ANKRD52: variants seen among roughly 807,000 people sequenced by gnomAD.
The protein encoded by ANKRD52 is ankyrin repeat domain 52.
A neutral mutation model predicts 116.0 loss-of-function variants in ANKRD52; 7 were observed. The ratio of observed to expected loss-of-function variants is 0.06; its 90% CI spans 0.03 to 0.11. The LOEUF is 0.11. ANKRD52 is among the 10% of genes least tolerant of loss of function. The pLI, the probability that ANKRD52 is intolerant of heterozygous loss-of-function variation, is 1.00. For synonymous variants in ANKRD52, 528 were observed against 578.1 expected (o/e 0.91, Z 1.24); for missense variants, 839 against 1,408.6 (o/e 0.60, Z 6.47).
rs1334507198 is a variant in ANKRD52 at position 56,253,670 on chromosome 12, G to C, written c.985+52C>G. 3.2e-6 allele frequency: 5 copies of C among 1,568,940 alleles called. No homozygotes were observed. The highest frequency in any genetic ancestry group is 1.8e-4 in the Middle Eastern group (1 of 5,560). ...AGGAACCTCCCTAGATTCTAGAAAT[G>C]AGTTCCTTGGGGGAGGAGGGGATGA... On this transcript the variant is annotated intron_variant, in intron 9 of 27. Coordinates refer to ENST00000267116, the MANE Select transcript of ANKRD52 (RefSeq NM_173595.4). The surrounding 1 kb of genome is among the most constrained non-coding windows in gnomAD (Gnocchi z 5.5).
At chr12:56,250,122 C>T (rs550562100) in intron 15 of ANKRD52, among the ~76,000 whole-genome samples, 195 of 151,856 alleles carry the variant, frequency 1.3e-3, no homozygotes, top group African/African-American at 3.8e-3. Flanking sequence ...GCTTGAACCC[C>T]GGAGGTAGAG....
At position 56,255,487 on chromosome 12, in the gene ANKRD52, G is replaced by C. The variant is rs1390624022; in HGVS notation, c.462+297C>G. Among the ~76,000 whole-genome samples, 1 of 152,220 alleles carries C rather than the reference G, an allele frequency of 6.6e-6. No individual in the cohort carries two copies. Among genetic ancestry groups the C allele is most frequent in the Non-Finnish European group, 1.5e-5 (1 of 68,054 alleles). ...TTACAGGCGTGAGCCGCCGTGCCCG[G>C]CCGGTTCTTAAACTCTTGTAAGTCT... On this transcript the variant is annotated intron_variant, in intron 5 of 27. Transcript: ENST00000267116. This position sits in a 1 kb window ranked among gnomAD's most constrained non-coding sequence, Gnocchi z 4.3.
At position 56,244,406 on chromosome 12, in the gene ANKRD52, G is replaced by A. The variant is rs988929907; in HGVS notation, c.2752C>T (p.Leu918Phe). ...TTCTTGTTCTCATCCAACACAGTAA[G>A]GTCTGCCTTCCCTCGATACAGCAGA... The part of the protein sequence containing the change: ...EFLLYRGKAD[L>F]TVLDENKNTA... Residue 918 changes from leucine (L) to phenylalanine (F), a missense_variant, in exon 25 of 28, where the codon CTT (leucine) becomes TTT (phenylalanine). This residue lies in a region of ANKRD52 where 552 missense variants were observed against 810.6 expected (regional missense o/e 0.68). Transcript: ENST00000267116. The surrounding 1 kb of genome is among the most constrained non-coding windows in gnomAD (Gnocchi z 4.9). The A allele has an allele frequency of 5.0e-6, 8 of 1,613,844 alleles. No individual in the cohort carries two copies. In the African/African-American group the frequency reaches 8.0e-5, roughly 16 times the overall value.
chr12:56,249,856 A>G (rs1871600767), intron 15 of ANKRD52, among the ~76,000 whole-genome samples: 2 of 152,330 alleles, frequency 1.3e-5, no homozygotes, highest in Admixed American at 6.5e-5. Context: ...CCTGGGCAAC[A>G]TGGTGAAACC....
Position 56,248,836 on chromosome 12 carries a change from G to A in ANKRD52, c.1627C>T (p.Pro543Ser), listed in dbSNP as rs762547243. The change falls in exon 16 of 28, where the codon CCC (proline) becomes TCC (serine). Residue 543 changes from proline (P) to serine (S), a missense_variant. Transcript: ENST00000267116. This position sits in a 1 kb window ranked among gnomAD's most constrained non-coding sequence, Gnocchi z 5.1. Reference sequence around the variant, plus strand: ...TAGCCCTGCCTGTCCCGCAGGGAGGGGTCTGCACCGTTATCCAGTAAGAAC... The same window carrying A: ...TAGCCCTGCCTGTCCCGCAGGGAGGAGTCTGCACCGTTATCCAGTAAGAAC... ...LEFLLDNGAD[P>S]SLRDRQGYTA... 6.2e-6 allele frequency: 10 copies of A among 1,609,536 alleles called. No individual in the cohort carries two copies. The Admixed American group carries it at 6.7e-5, about 11-fold the overall frequency.
At position 56,254,042 on chromosome 12, in the gene ANKRD52, G is replaced by T; in HGVS notation, c.906+25C>A. ...TAGATCCAAGTTTCGCTCCCCACTGGTCTAAGCCTTATCCCTTCAGGCACC... is the reference window on the plus strand; with the variant it reads ...TAGATCCAAGTTTCGCTCCCCACTGTTCTAAGCCTTATCCCTTCAGGCACC... On this transcript the variant is annotated intron_variant, in intron 8 of 27. Coordinates refer to ENST00000267116, the MANE Select transcript of ANKRD52 (RefSeq NM_173595.4). The surrounding 1 kb of genome is among the most constrained non-coding windows in gnomAD (Gnocchi z 4.6). The T allele has an allele frequency of 6.2e-7, 1 of 1,605,468 alleles. No homozygotes were observed. The highest frequency in any genetic ancestry group is 8.5e-7 in the Non-Finnish European group (1 of 1,172,470).
rs771213074 is a variant in ANKRD52 at position 56,243,409 on chromosome 12, G to A, written c.2981-17C>T. ...GGGTGTGACCTGCAGGGCCAAGGGGGAGAACTGAGGCATAGAGTCCTGTAT... is the reference window on the plus strand; with the variant it reads ...GGGTGTGACCTGCAGGGCCAAGGGGAAGAACTGAGGCATAGAGTCCTGTAT... On this transcript the variant is annotated splice_polypyrimidine_tract_variant and intron_variant, in intron 27 of 27. Transcript: ENST00000267116. The surrounding 1 kb of genome is among the most constrained non-coding windows in gnomAD (Gnocchi z 4.6). 1.1e-5 allele frequency: 17 copies of A among 1,612,008 alleles called. No individual in the cohort carries two copies. The highest frequency in any genetic ancestry group is 1.4e-5 in the Non-Finnish European group (17 of 1,179,060).
intron 15 of ANKRD52, among the ~76,000 whole-genome samples, chr12:56,250,392 G>A (rs1423027727): frequency 1.3e-5 from 2 of 148,398 alleles, no homozygotes; most frequent in Non-Finnish European, 3.0e-5. Context: ...TAGAGACGGG[G>A]TCTCACTAGG....
At position 56,248,329 on chromosome 12, in the gene ANKRD52, T is replaced by A. The variant is rs1456546993; in HGVS notation, c.1777-105A>T. The A allele has an allele frequency of 6.8e-7, 1 of 1,476,674 alleles. No homozygotes were observed. The highest frequency in any genetic ancestry group is 1.4e-5 in the African/African-American group (1 of 71,928). 91.5% of individuals were successfully genotyped at this position (1,476,674 alleles called of 1,614,324 possible). A position where few individuals can be genotyped will look rare whatever the true frequency, so the allele number is the denominator to read the frequency against. ...CCTGGGAAGCTCAAGGTCTTAGTCC[T>A]TGACAAGCTCCTTGGGCCCCTTAAG... On this transcript the variant is annotated intron_variant, in intron 17 of 27. Transcript: ENST00000267116. This position sits in a 1 kb window ranked among gnomAD's most constrained non-coding sequence, Gnocchi z 5.1.
Position 56,243,384 on chromosome 12 carries a change from G to A in ANKRD52, c.2989C>T (p.Pro997Ser). ...VLAVDEEGHT[P>S]ALACAPNKDV... is the part of the protein sequence containing the mutation. ...TTGTTGGGGGCACAGGCCAGTGCTGGGGTGTGACCTGCAGGGCCAAGGGGG... is the reference window on the plus strand; with the variant it reads ...TTGTTGGGGGCACAGGCCAGTGCTGAGGTGTGACCTGCAGGGCCAAGGGGG... The change falls in exon 28 of 28, where the codon CCA (proline) becomes TCA (serine). Residue 997 changes from proline to serine, a missense_variant. Pro to Ser is a moderately conservative substitution (Grantham distance 74, BLOSUM62 -1). This residue lies in a region of ANKRD52 where 552 missense variants were observed against 810.6 expected (regional missense o/e 0.68). Transcript: ENST00000267116. The surrounding 1 kb of genome is among the most constrained non-coding windows in gnomAD (Gnocchi z 4.6). 3 of 1,613,800 alleles carry A rather than the reference G, an allele frequency of 1.9e-6. No homozygotes were observed. Among genetic ancestry groups the A allele is most frequent in the Non-Finnish European group, 2.5e-6 (3 of 1,179,788 alleles).
chr12:56,243,199 G>A lies in ANKRD52; in HGVS notation c.3174C>T (p.Cys1058=), dbSNP rs374378066. The stretch of plus-strand genomic sequence containing the variant: ...CGCCGGGCCGCTCCTGGCTGTAGGG[G>A]CAGGAGGCCCCATGGGGCAGGGCGC... ...GCGALPHGAS[C]PYSQERPGAI... Residue 1058 remains cysteine, a synonymous_variant, in exon 28 of 28, where the codon TGC becomes TGT. Coordinates refer to ENST00000267116, the MANE Select transcript of ANKRD52 (RefSeq NM_173595.4). This position sits in a 1 kb window ranked among gnomAD's most constrained non-coding sequence, Gnocchi z 4.6. 8 of 1,612,622 alleles carry A rather than the reference G, an allele frequency of 5.0e-6. No homozygotes were observed. The highest frequency in any genetic ancestry group is 3.3e-5 in the Admixed American group (2 of 59,844).
At position 56,237,988 on chromosome 12, in the gene ANKRD52, C is replaced by A. The variant is rs1870994098; in HGVS notation, c.*5154G>T. On this transcript the variant is annotated 3_prime_UTR_variant, in exon 28 of 28. Coordinates refer to ENST00000267116, the MANE Select transcript of ANKRD52 (RefSeq NM_173595.4). ...ATTAATCTGCGGGGAGAACATTGTG[C>A]TTTAGCCCAGGGAGGGGAGGGGTGG... The A allele has an allele frequency of 5.5e-5, 15 of 270,946 alleles. No individual in the cohort carries two copies. The highest frequency in any genetic ancestry group is 1.0e-4 in the Admixed American group (2 of 19,806). 16.8% of individuals were successfully genotyped at this position (270,946 alleles called of 1,614,324 possible).
In ANKRD52 at chr12:56,254,804, C is replaced by A. The variant is rs920978336; in HGVS notation, c.550+61G>T. 1.9e-6 allele frequency: 3 copies of A among 1,601,264 alleles called. No homozygotes were observed. In the Admixed American group the frequency reaches 5.0e-5, roughly 27 times the overall value. On this transcript the variant is annotated intron_variant, in intron 6 of 27. Transcript: ENST00000267116. The surrounding 1 kb of genome is among the most constrained non-coding windows in gnomAD (Gnocchi z 4.6). ...CCTCTCTTCAAAGGCTGCAACCCCACATCCCTGCCCTAGGAATCCTAAATG... is the reference window on the plus strand; with the variant it reads ...CCTCTCTTCAAAGGCTGCAACCCCAAATCCCTGCCCTAGGAATCCTAAATG...
Position 56,247,172 on chromosome 12 carries a change from C to T in ANKRD52, c.2184+321G>A, listed in dbSNP as rs184087531. ...CCAGCTTGGGCAAGATGGTAAGACC[C>T]CCATATCTACAAAAAATACAAAAAT... On this transcript the variant is annotated intron_variant, in intron 20 of 27. Transcript: ENST00000267116. 1.7e-3 allele frequency among the ~76,000 whole-genome samples: 256 copies of T among 150,460 alleles called. 2 individuals are homozygous for T. Among genetic ancestry groups the T allele is most frequent in the South Asian group, 0.014 (69 of 4,784 alleles).
rs997381213 is a variant in ANKRD52, at chr12:56,244,522, T to C, written c.2723-87A>G. 2.0e-5 allele frequency: 32 copies of C among 1,596,770 alleles called. 1 individual carries two copies. Among genetic ancestry groups the C allele is most frequent in the East Asian group, 1.3e-4 (6 of 44,652 alleles). On this transcript the variant is annotated intron_variant, in intron 24 of 27. Coordinates refer to ENST00000267116, the MANE Select transcript of ANKRD52 (RefSeq NM_173595.4). The surrounding 1 kb of genome is among the most constrained non-coding windows in gnomAD (Gnocchi z 4.9). Reference sequence around the variant, plus strand: ...CTCCACTTTGCATCCCGTCTGCAGATGGCGAGACATCCAAAGACAACCCTC... The same window carrying C: ...CTCCACTTTGCATCCCGTCTGCAGACGGCGAGACATCCAAAGACAACCCTC...
chr12:56,257,425 C>A (rs1872008969), intron 2 of ANKRD52, 64 bp from the exon 3 acceptor site: 1 of 1,397,750 alleles, frequency 7.2e-7, no homozygotes, highest in African/African-American at 1.4e-5. Flanking sequence ...AGGACCCCAG[C>A]CCAAGTCTCA....
rs1270125260 is a variant in ANKRD52, at chr12:56,243,193, G to A, written c.3180C>T (p.Tyr1060=). The A allele has an allele frequency of 3.1e-6, 5 of 1,612,398 alleles. No homozygotes were observed. The highest frequency in any genetic ancestry group is 1.1e-5 in the South Asian group (1 of 90,820). Residue 1060 remains tyrosine, a synonymous_variant, in exon 28 of 28, where the codon TAC becomes TAT. Coordinates refer to ENST00000267116, the MANE Select transcript of ANKRD52 (RefSeq NM_173595.4). This position sits in a 1 kb window ranked among gnomAD's most constrained non-coding sequence, Gnocchi z 4.6. The part of the protein sequence containing the change: ...GALPHGASCP[Y]SQERPGAIGL... ...CAATGGCGCCGGGCCGCTCCTGGCTGTAGGGGCAGGAGGCCCCATGGGGCA... is the reference window on the plus strand; with the variant it reads ...CAATGGCGCCGGGCCGCTCCTGGCTATAGGGGCAGGAGGCCCCATGGGGCA...
Position 56,252,358 on chromosome 12 carries a change from A to G in ANKRD52, c.1371-43T>C, listed in dbSNP as rs773386294. On this transcript the variant is annotated intron_variant, in intron 13 of 27. Coordinates refer to ENST00000267116, the MANE Select transcript of ANKRD52 (RefSeq NM_173595.4). This position sits in a 1 kb window ranked among gnomAD's most constrained non-coding sequence, Gnocchi z 4.7. ...GAGGGTGGGGAAGAGAATCAGAGAC[A>G]GATACGAATGCAATCAGATGTGCAG... is the stretch of plus-strand genomic sequence containing the variant. The G allele has an allele frequency of 6.2e-7, 1 of 1,610,604 alleles. No homozygotes were observed. The highest frequency in any genetic ancestry group is 8.5e-7 in the Non-Finnish European group (1 of 1,177,112).
chr12:56,258,197 C>A, intron 1 of ANKRD52, 46 bp downstream of exon 1: 2 of 1,585,660 alleles, frequency 1.3e-6, no homozygotes, highest in East Asian at 2.3e-5. Flanking sequence ...GTGACGGCAG[C>A]GCCGAGCCCT....
Sources: allele counts gnomAD v4.1 joint callset (sites outside exome capture counted in the v4.1 genomes callset), GRCh38; gene constraint gnomAD v4.1.1; regional missense constraint gnomAD v4.1.1; non-coding constraint Gnocchi (gnomAD v3.1); transcripts MANE v1.5; gene names NCBI Gene and HGNC (gene_info 2026-07-23, HGNC 2026-07-21).